Variants in CAMK2G observed in about 807,000 individuals in gnomAD.
CAMK2G encodes calcium/calmodulin-dependent protein kinase type II subunit gamma.
CAMK2G carries 23 observed loss-of-function variants against 88.7 expected under a neutral mutation model. That is an observed-to-expected ratio of 0.26 (90% CI 0.19 to 0.37). The LOEUF is 0.37. CAMK2G is among the 10% of genes least tolerant of loss of function. CAMK2G has a pLI of 1.00. For synonymous variants in CAMK2G, 263 were observed against 294.8 expected, an observed-to-expected ratio of 0.89 and a Z score of 1.11; for missense variants, 476 against 780.8, an observed-to-expected ratio of 0.61 and a Z score of 4.65.
intron 1 of CAMK2G, 83 bp downstream of exon 1, chr10:73,874,314 G>C (rs1311411048): frequency 1.0e-6 from 1 of 962,434 alleles, no homozygotes; most frequent in South Asian, 2.7e-5. Flanking sequence ...GCAGCGGCCG[G>C]TGCAGGGCCG....
intron 14 of CAMK2G, among the ~76,000 whole-genome samples, chr10:73,830,284 T>C (rs1285153029): frequency 6.6e-6 from 1 of 152,178 alleles, no homozygotes; most frequent in Non-Finnish European, 1.5e-5. Context: ...CTTTTTATTA[T>C]TTTTTTAGAG....
chr10:73,815,192 G>A lies in CAMK2G; in HGVS notation c.1590C>T (p.His530=), dbSNP rs144301377. The A allele has an allele frequency of 1.7e-5, 28 of 1,614,254 alleles. 1 individual carries two copies. The East Asian group carries it at 4.2e-4, about 24-fold the overall frequency. ...IHTTILNPHV[H]VIGEDAACIA... ...TGCACGCTGCGTCCTCCCCAATCAC[G>A]TGGACGTGTGGGTTTAGGATGGTGG... The change falls in exon 22 of 23, where the codon CAC becomes CAT. Residue 530 remains histidine, a synonymous_variant. Coordinates refer to ENST00000423381, the MANE Select transcript of CAMK2G (RefSeq NM_001367534.1).
chr10:73,836,534 C>A (rs1203845452), intron 14 of CAMK2G, among the ~76,000 whole-genome samples: 1 of 151,900 alleles, frequency 6.6e-6, no homozygotes, highest in Non-Finnish European at 1.5e-5. Context: ...GGCTCCCCTG[C>A]GAGGGGCGGA....
At chr10:73,830,015 G>C (rs1335817669) in intron 14 of CAMK2G, among the ~76,000 whole-genome samples, 1 of 152,180 alleles carries the variant, frequency 6.6e-6, no homozygotes, top group Admixed American at 6.5e-5. Context: ...TCAGGGGCTT[G>C]TTGTGAAAGG....
At chr10:73,865,933 C>G (rs1255959899) in intron 2 of CAMK2G, among the ~76,000 whole-genome samples, 1 of 151,964 alleles carries the variant, frequency 6.6e-6, no homozygotes, top group Non-Finnish European at 1.5e-5. Context: ...GGGCCACTTC[C>G]TGCCTGCCTG....
chr10:73,840,617 T>C (rs946522988), intron 12 of CAMK2G, among the ~76,000 whole-genome samples: 4 of 152,176 alleles, frequency 2.6e-5, no homozygotes, highest in African/African-American at 9.7e-5. Context: ...ATAAAATGCT[T>C]TGTCCTAACA....
Position 73,842,494 on chromosome 10 carries a change from C to T in CAMK2G, c.867G>A (p.Glu289=). ...ASMMHRQETV[E]CLRKFNARRK... Reference sequence around the variant, plus strand: ...TCCGGGCATTGAACTTGCGCAAACACTCCACAGTCTCCTGACGATGCATCA... The same window carrying T: ...TCCGGGCATTGAACTTGCGCAAACATTCCACAGTCTCCTGACGATGCATCA... Residue 289 remains glutamate (E), a synonymous_variant, in exon 11 of 23, where the codon GAG becomes GAA. Coordinates refer to ENST00000423381, the MANE Select transcript of CAMK2G (RefSeq NM_001367534.1). The surrounding 1 kb of genome is among the most constrained non-coding windows in gnomAD (Gnocchi z 4.6). 1 of 1,613,978 alleles carries T rather than the reference C, an allele frequency of 6.2e-7. No homozygotes were observed. Among genetic ancestry groups the T allele is most frequent in the Non-Finnish European group, 8.5e-7 (1 of 1,179,836 alleles).
intron 5 of CAMK2G, among the ~76,000 whole-genome samples, chr10:73,851,061 G>A (rs1407280777): frequency 6.6e-6 from 1 of 151,856 alleles, no homozygotes; most frequent in Non-Finnish European, 1.5e-5. Flanking sequence ...CCAGAGCCTC[G>A]TCCTCCCCTG....
intron 2 of CAMK2G, among the ~76,000 whole-genome samples, chr10:73,872,068 C>T (rs2095852105): frequency 6.6e-6 from 1 of 152,234 alleles, no homozygotes; most frequent in African/African-American, 2.4e-5. Context: ...TGTCCCCCAG[C>T]TGCACCCTGC....
At chr10:73,873,594 A>C in intron 1 of CAMK2G, 693 of 910,136 alleles carry the variant, frequency 7.6e-4, no homozygotes, top group Non-Finnish European at 8.4e-4. Context: ...GTTTCATCTC[A>C]CTGCATCCCG....
At chr10:73,841,647 G>A (rs547600153) in intron 12 of CAMK2G, among the ~76,000 whole-genome samples, 1 of 152,180 alleles carries the variant, frequency 6.6e-6, no homozygotes, top group East Asian at 1.9e-4. Flanking sequence ...CACTGTTATA[G>A]CTAGTATCTC....
chr10:73,821,755 C>A (rs2088882567), intron 17 of CAMK2G, 25 bp from the exon 18 acceptor site: 1 of 1,594,950 alleles, frequency 6.3e-7, no homozygotes, highest in Non-Finnish European at 8.6e-7. Flanking sequence ...GAACATGTTT[C>A]TATATGCTCC....
chr10:73,861,345 G>A (rs1382546185), intron 2 of CAMK2G, among the ~76,000 whole-genome samples: 1 of 152,190 alleles, frequency 6.6e-6, no homozygotes, highest in East Asian at 1.9e-4. Flanking sequence ...CAGTGGTCCA[G>A]GGTGTCCAGA....
intron 3 of CAMK2G, 143 bp from the exon 4 acceptor site, chr10:73,853,389 G>T (rs1298652939): frequency 4.2e-6 from 3 of 705,894 alleles, no homozygotes; most frequent in Non-Finnish European, 7.3e-6. Context: ...GTGGCGACGT[G>T]CCCAGTGCCC....
chr10:73,819,425 A>T, intron 19 of CAMK2G, 107 bp downstream of exon 19: 1 of 783,180 alleles, frequency 1.3e-6, no homozygotes, highest in Non-Finnish European at 2.2e-6. Context: ...CCCAGAGCTT[A>T]CTACCACGGG....
At chr10:73,821,300 A>T (rs942967276) in intron 18 of CAMK2G, among the ~76,000 whole-genome samples, 2 of 152,104 alleles carry the variant, frequency 1.3e-5, no homozygotes, top group Non-Finnish European at 2.9e-5. Context: ...GTCCGAGGAA[A>T]ACCAGGAGTG....
Position 73,821,750 on chromosome 10 carries a change from T to C in CAMK2G, c.1201-20A>G. Reference sequence around the variant, plus strand: ...GGAGCCCTGTAGGCCAAAAAGAACATGTTTCTATATGCTCCATCCCTTGGA... The same window carrying C: ...GGAGCCCTGTAGGCCAAAAAGAACACGTTTCTATATGCTCCATCCCTTGGA... On this transcript the variant is annotated intron_variant, in intron 17 of 22. Coordinates refer to ENST00000423381, the MANE Select transcript of CAMK2G (RefSeq NM_001367534.1). 1 of 1,599,460 alleles carries C rather than the reference T, an allele frequency of 6.3e-7. No individual in the cohort carries two copies. Among genetic ancestry groups the C allele is most frequent in the South Asian group, 1.1e-5 (1 of 89,836 alleles).
At chr10:73,832,261 A>G (rs1475464020) in intron 14 of CAMK2G, among the ~76,000 whole-genome samples, 1 of 152,098 alleles carries the variant, frequency 6.6e-6, no homozygotes, top group East Asian at 1.9e-4. Context: ...ATAAATATCT[A>G]CAAACACGTT....
intron 14 of CAMK2G, chr10:73,837,098 T>G: frequency 4.0e-6 from 1 of 250,650 alleles, no homozygotes; most frequent in East Asian, 8.5e-5. Context: ...TGGCTTTCAT[T>G]TGATTAAAAG....
Sources: allele counts gnomAD v4.1 joint callset (sites outside exome capture counted in the v4.1 genomes callset), GRCh38; gene constraint gnomAD v4.1.1; non-coding constraint Gnocchi (gnomAD v3.1); transcripts MANE v1.5; gene names NCBI Gene and HGNC (gene_info 2026-07-23, HGNC 2026-07-21).